The following CFAP43 variants were observed in gnomAD, a reference collection of about 807,000 sequenced individuals.
The protein encoded by CFAP43 is cilia- and flagella-associated protein 43.
CFAP43 carries 155 observed loss-of-function variants against 218.9 expected under a neutral mutation model. The observed-to-expected ratio is 0.71, with a 90% CI of 0.62 to 0.81. CFAP43 has a LOEUF of 0.81. CFAP43 is among the 30% of genes least tolerant of loss of function. The pLI is 0.00. For synonymous variants in CFAP43, 645 were observed against 681.3 expected (o/e 0.95, Z 0.83); for missense variants, 1,778 against 1,954.3 (o/e 0.91, Z 1.70).
intron 35 of CFAP43, 104 bp downstream of exon 35, chr10:104,133,516 G>T: frequency 8.1e-7 from 1 of 1,238,664 alleles, no homozygotes; most frequent in Non-Finnish European, 1.1e-6. Context: ...TCCTGGCTTA[G>T]AATATGCTTG....
At chr10:104,181,672 C>T (rs540630) in intron 17 of CFAP43, among the ~76,000 whole-genome samples, 6,835 of 152,180 alleles carry the variant, frequency 0.045, 561 homozygotes, top group African/African-American at 0.16. Context: ...ACATACCACA[C>T]GCCAAGCTCT....
intron 16 of CFAP43, among the ~76,000 whole-genome samples, chr10:104,184,462 C>CTTTTTTTTTT (rs34684487): frequency 7.0e-6 from 1 of 142,076 alleles, no homozygotes; most frequent in Non-Finnish European, 1.5e-5. Flanking sequence ...TTAACTATGT[C>CTTTTTTTTTT]TTTTTTTTTT....
intron 34 of CFAP43, among the ~76,000 whole-genome samples, chr10:104,138,542 G>A (rs1187561140): frequency 2.6e-5 from 4 of 152,090 alleles, no homozygotes; most frequent in Non-Finnish European, 5.9e-5. Flanking sequence ...AGGTGTGGTG[G>A]CGCATGCCTG....
intron 34 of CFAP43, among the ~76,000 whole-genome samples, chr10:104,134,414 A>G (rs1564705981): frequency 6.6e-6 from 1 of 152,192 alleles, no homozygotes; most frequent in East Asian, 1.9e-4. Flanking sequence ...AGAAAGAAAG[A>G]AAACAGAAAA....
chr10:104,210,138 G>T (rs1396437707), intron 5 of CFAP43, among the ~76,000 whole-genome samples: 1 of 152,204 alleles, frequency 6.6e-6, no homozygotes, highest in African/African-American at 2.4e-5. Context: ...ATTCAGTACA[G>T]ATGCAACCAT....
intron 37 of CFAP43, 65 bp from the exon 38 acceptor site, chr10:104,130,370 T>G: frequency 6.5e-7 from 1 of 1,544,310 alleles, no homozygotes; most frequent in Non-Finnish European, 8.7e-7. Flanking sequence ...GAAGCAGCAC[T>G]CAGAATCATA....
chr10:104,147,455 G>A (rs2088031247), intron 29 of CFAP43, among the ~76,000 whole-genome samples: 1 of 151,588 alleles, frequency 6.6e-6, no homozygotes, highest in African/African-American at 2.4e-5. Flanking sequence ...TCATAATACG[G>A]CAGTTTTTCA....
chr10:104,179,825 A>G lies in CFAP43; in HGVS notation c.2382+15T>C, dbSNP rs1356353725. ...CAGAGCACTATTTCAAACCTACCCC[A>G]TGTTTCACAAATACCTCTTGGCTTT... On this transcript the variant is annotated intron_variant, in intron 18 of 37. Coordinates refer to ENST00000357060, the MANE Select transcript of CFAP43 (RefSeq NM_025145.7). 6.3e-7 allele frequency: 1 copy of G among 1,599,560 alleles called. No homozygotes were observed. Among genetic ancestry groups the G allele is most frequent in the South Asian group, 1.1e-5 (1 of 90,254 alleles).
At chr10:104,160,469 G>T (rs2088811583) in intron 27 of CFAP43, among the ~76,000 whole-genome samples, 1 of 152,192 alleles carries the variant, frequency 6.6e-6, no homozygotes, top group Non-Finnish European at 1.5e-5. Flanking sequence ...TTATTTACTT[G>T]ACTGCACATC....
Position 104,161,771 on chromosome 10 carries a change from GC to G in CFAP43, c.3414+189del, listed in dbSNP as rs539631248. 1.7e-3 allele frequency among the ~76,000 whole-genome samples: 252 copies of G among 152,206 alleles called. 4 individuals are homozygous for G. The South Asian group carries it at 0.033, about 20-fold the overall frequency. The stretch of plus-strand genomic sequence containing the variant: ...GCCTCCTCACTTAGCCTCCTCAAGT[GC>G]TGGGATTACAAGCATAAGCCACCAC... On this transcript the variant is annotated intron_variant, in intron 26 of 37. Transcript: ENST00000357060.
chr10:104,214,886 C>T (rs2090971225), intron 3 of CFAP43, among the ~76,000 whole-genome samples: 1 of 152,098 alleles, frequency 6.6e-6, no homozygotes, highest in Non-Finnish European at 1.5e-5. Flanking sequence ...GCCTGTAATC[C>T]CAGCACTTTG....
intron 29 of CFAP43, among the ~76,000 whole-genome samples, chr10:104,147,137 A>G (rs1409464471): frequency 6.6e-6 from 1 of 151,112 alleles, no homozygotes; most frequent in African/African-American, 2.4e-5. Flanking sequence ...CTGCTGCTCT[A>G]TTACACACTA....
chr10:104,152,653 T>C lies in CFAP43; in HGVS notation c.3614A>G (p.Lys1205Arg). Reference protein sequence around the residue: ...ESTQAFDEHLKRLFERRVKAE... With the variant: ...ESTQAFDEHLRRLFERRVKAE... ...CTTCACTCTCCTTTCAAAAAGTCTT[T>C]TCAAATGTTCATCAAAGGCCTGTGT... The change falls in exon 28 of 38, where the codon AAA (lysine) becomes AGA (arginine). Residue 1205 changes from lysine (K) to arginine (R), a missense_variant. Physicochemically the swap from Lys to Arg is conservative, Grantham distance 26 (BLOSUM62 2). Coordinates refer to ENST00000357060, the MANE Select transcript of CFAP43 (RefSeq NM_025145.7). 6.2e-7 allele frequency: 1 copy of C among 1,613,906 alleles called. No individual in the cohort carries two copies. Among genetic ancestry groups the C allele is most frequent in the Non-Finnish European group, 8.5e-7 (1 of 1,179,888 alleles).
chr10:104,185,724 A>T (rs2090007447), intron 15 of CFAP43, among the ~76,000 whole-genome samples: 1 of 152,198 alleles, frequency 6.6e-6, no homozygotes, highest in Admixed American at 6.5e-5. Flanking sequence ...GCCTTTTCTC[A>T]TTTAGGTTTT....
chr10:104,214,569 T>C (rs1269511549), intron 3 of CFAP43, 143 bp from the exon 4 acceptor site: 3 of 748,076 alleles, frequency 4.0e-6, no homozygotes, highest in Non-Finnish European at 6.0e-6. Flanking sequence ...GTCAAATTTA[T>C]AAATAATTAT....
In CFAP43 at chr10:104,157,736, A is replaced by ATGTGTG. The variant is rs71485761; in HGVS notation, c.3540+3295_3540+3300dup. On this transcript the variant is annotated intron_variant, in intron 27 of 37. Coordinates refer to ENST00000357060, the MANE Select transcript of CFAP43 (RefSeq NM_025145.7). ...TTGAGTTGGAATTGGAGCTAACTGGATGTGTGTGTGTGTGTGTGTGTGTGT... is the reference window on the plus strand; with the variant it reads ...TTGAGTTGGAATTGGAGCTAACTGGATGTGTGTGTGTGTGTGTGTGTGTGTGTGTGT... Among the ~76,000 whole-genome samples the ATGTGTG allele has an allele frequency of 4.0e-3, 425 of 107,114 alleles. 1 individual carries two copies. Among genetic ancestry groups the ATGTGTG allele is most frequent in the African/African-American group, 0.016 (351 of 22,130 alleles). 70.3% of individuals were successfully genotyped at this position (107,114 alleles called of 152,430 possible).
chr10:104,193,984 G>A lies in CFAP43; in HGVS notation c.1324C>T (p.Leu442Phe), dbSNP rs745928778. 11 of 1,613,836 alleles carry A rather than the reference G, an allele frequency of 6.8e-6. No individual in the cohort carries two copies. In the South Asian group the frequency reaches 1.1e-4, roughly 16 times the overall value. ...TCCTCCGTGCCCACGGCTGCAGAGA[G>A]GGAGGATGGACAGCAAGCCAGAACC... ...ATVLACCPSS[L>F]SAAVGTEDGS... The change falls in exon 11 of 38, where the codon CTC becomes TTC. Residue 442 changes from leucine (L) to phenylalanine (F), a missense_variant. By Grantham distance (22) the Leu-to-Phe change is conservative (BLOSUM62 0). This residue lies in a region of CFAP43 where 1,553 missense variants were observed against 1,685.2 expected (regional missense o/e 0.92). Coordinates refer to ENST00000357060, the MANE Select transcript of CFAP43 (RefSeq NM_025145.7).
At chr10:104,211,613 T>G (rs184648400) in intron 5 of CFAP43, among the ~76,000 whole-genome samples, 20 of 152,286 alleles carry the variant, frequency 1.3e-4, no homozygotes, top group Non-Finnish European at 2.6e-4. Flanking sequence ...TTTCTCTCTT[T>G]GCTCATCACA....
At chr10:104,230,526 G>C (rs1461766930) in intron 2 of CFAP43, 64 bp downstream of exon 2, 1 of 1,535,176 alleles carries the variant, frequency 6.5e-7, no homozygotes, top group African/African-American at 1.4e-5. Context: ...ACTTATAATA[G>C]ATTTAGTCAA....
Sources: allele counts gnomAD v4.1 joint callset (sites outside exome capture counted in the v4.1 genomes callset), GRCh38; gene constraint gnomAD v4.1.1; regional missense constraint gnomAD v4.1.1; transcripts MANE v1.5; gene names NCBI Gene and HGNC (gene_info 2026-07-23, HGNC 2026-07-21).